Variants in ZSCAN1 observed in about 807,000 individuals in gnomAD.
ZSCAN1 encodes the protein zinc finger and SCAN domain containing 1, also known as zinc finger and SCAN domain-containing protein 1.
In ZSCAN1, 23 loss-of-function variants were observed where a neutral mutation model predicts 23.8. The observed-to-expected ratio is 0.97, with a 90% CI of 0.70 to 1.37. The LOEUF (loss-of-function observed/expected upper bound fraction) is 1.37. ZSCAN1 is among the 40% of genes most tolerant of loss of function. The probability of loss-of-function intolerance (pLI) is 0.00; values close to 1 mark genes in which losing one functional copy is unlikely to be tolerated. For synonymous variants in ZSCAN1, 236 were observed against 232.3 expected (o/e 1.02, Z -0.15); for missense variants, 575 against 554.0 (o/e 1.04, Z -0.38).
At position 58,053,991 on chromosome 19, in the gene ZSCAN1, C is replaced by T. The variant is rs1472338007; in HGVS notation, c.1167C>T (p.Phe389=). The change falls in exon 6 of 6, where the codon TTC becomes TTT. Residue 389 remains phenylalanine, a synonymous_variant. Coordinates refer to ENST00000282326, the MANE Select transcript of ZSCAN1 (RefSeq NM_182572.4). The surrounding 1 kb of genome is among the most constrained non-coding windows in gnomAD (Gnocchi z 5.8). Reference sequence around the variant, plus strand: ...AGTGTAGCGTCTGCGGGAAGGCCTTCCCCTGGATGGTCCACCTCATTGACC... The same window carrying T: ...AGTGTAGCGTCTGCGGGAAGGCCTTTCCCTGGATGGTCCACCTCATTGACC... ...PFQCSVCGKA[F]PWMVHLIDHQ... is the part of the protein sequence containing the mutation. 1.9e-6 allele frequency: 3 copies of T among 1,580,258 alleles called. No individual in the cohort carries two copies. Among genetic ancestry groups the T allele is most frequent in the Non-Finnish European group, 1.7e-6 (2 of 1,162,632 alleles).
chr19:58,040,508 T>C lies in ZSCAN1; in HGVS notation c.429T>C (p.Asp143=). 6.2e-7 allele frequency: 1 copy of C among 1,613,466 alleles called. No homozygotes were observed. The highest frequency in any genetic ancestry group is 8.5e-7 in the Non-Finnish European group (1 of 1,179,954). ...ACTGGAGTTTCGGTGAGGAGGAAGA[T>C]GGGAAGAGTCCAAGGTCCCAGAAAG... is the stretch of plus-strand genomic sequence containing the variant. ...PQDWSFGEEE[D]GKSPRSQKEP... is the part of the protein sequence containing the mutation. The change falls in exon 4 of 6, where the codon GAT becomes GAC. Residue 143 remains aspartate (D), a synonymous_variant. Coordinates refer to ENST00000282326, the MANE Select transcript of ZSCAN1 (RefSeq NM_182572.4). This position sits in a 1 kb window ranked among gnomAD's most constrained non-coding sequence, Gnocchi z 5.8.
In ZSCAN1 at chr19:58,054,144, A is replaced by C. The variant is rs1273023560; in HGVS notation, c.*93A>C. The C allele has an allele frequency of 1.4e-6, 2 of 1,402,720 alleles. No individual in the cohort carries two copies. Among genetic ancestry groups the C allele is most frequent in the African/African-American group, 2.9e-5 (2 of 68,916 alleles). The allele number at this position is 1,402,720 out of a possible 1,614,324, so 86.9% of individuals were successfully genotyped here. A position where few individuals can be genotyped will look rare whatever the true frequency, so the allele number is the denominator to read the frequency against. ...TGGGGGACATCCCCCAGCCCCACCA[A>C]CCCCTGGCCACCTTGGGACTCCTCT... is the stretch of plus-strand genomic sequence containing the variant. On this transcript the variant is annotated 3_prime_UTR_variant, in exon 6 of 6. Transcript: ENST00000282326. This position sits in a 1 kb window ranked among gnomAD's most constrained non-coding sequence, Gnocchi z 4.2.
At chr19:58,046,740 G>C (rs1599906030) in intron 4 of ZSCAN1, 1 of 784,220 alleles carries the variant, frequency 1.3e-6, no homozygotes, top group East Asian at 2.5e-5. Flanking sequence ...GGAGAAGGTG[G>C]AGAAGGAGGT....
chr19:58,034,425 G>A (rs2073718085), intron 1 of ZSCAN1, among the ~76,000 whole-genome samples: 1 of 151,854 alleles, frequency 6.6e-6, no homozygotes, highest in Admixed American at 6.5e-5. Context: ...GGCTGGGGCC[G>A]CCCCTTCCGC....
intron 4 of ZSCAN1, among the ~76,000 whole-genome samples, chr19:58,043,291 A>T (rs1175055684): frequency 6.6e-6 from 1 of 152,206 alleles, no homozygotes; most frequent in African/African-American, 2.4e-5. Context: ...CGCAGAGGGC[A>T]CTCACACACC....
At chr19:58,046,749 G>A in intron 4 of ZSCAN1, 5 of 774,122 alleles carry the variant, frequency 6.5e-6, no homozygotes, top group African/African-American at 1.7e-5. Context: ...GGAGAAGGAG[G>A]TTGCAGAGGT....
At chr19:58,036,870 G>C (rs2123417352) in intron 2 of ZSCAN1, among the ~76,000 whole-genome samples, 1 of 152,222 alleles carries the variant, frequency 6.6e-6, no homozygotes, top group African/African-American at 2.4e-5. Flanking sequence ...ATTTTTAGTA[G>C]ACGGGGTTTC....
At chr19:58,039,962 G>A (rs991030750) in intron 3 of ZSCAN1, among the ~76,000 whole-genome samples, 1 of 152,094 alleles carries the variant, frequency 6.6e-6, no homozygotes, top group Middle Eastern at 3.4e-3. Flanking sequence ...TCAAACTCTT[G>A]GGCTCAAGCA....
chr19:58,048,647 G>A (rs1215434973), intron 4 of ZSCAN1, among the ~76,000 whole-genome samples: 2 of 152,280 alleles, frequency 1.3e-5, no homozygotes, highest in African/African-American at 4.8e-5. Context: ...TAGTAGAGAT[G>A]GGGTTTCATT....
intron 3 of ZSCAN1, chr19:58,038,497 GGAAGGACGCTGCCTCGCCACTTCCTC>G (rs2073758876): frequency 3.5e-6 from 2 of 568,446 alleles, no homozygotes; most frequent in Non-Finnish European, 6.2e-6. Flanking sequence ...CTGCTCTCTG[GGAAGGACGCTGCCTCGCCACTTCCTC>G]CCAGCCACCT....
intron 4 of ZSCAN1, among the ~76,000 whole-genome samples, chr19:58,050,619 C>T (rs1034858454): frequency 1.3e-5 from 2 of 151,750 alleles, no homozygotes; most frequent in Admixed American, 6.6e-5. Context: ...CTCCTGGGTT[C>T]AAACGATTCT....
At chr19:58,054,805 C>T (rs1393540241), downstream of ZSCAN1, among the ~76,000 whole-genome samples, 5 of 152,186 alleles carry the variant, frequency 3.3e-5, no homozygotes, top group Non-Finnish European at 5.9e-5. The surrounding 1 kb of genome is among the most constrained non-coding windows in gnomAD (Gnocchi z 4.2). Context: ...GTCTTTAGGC[C>T]TGACCAAAAC....
intron 4 of ZSCAN1, chr19:58,044,653 G>A: frequency 1.1e-6 from 1 of 945,272 alleles, no homozygotes; most frequent in Non-Finnish European, 1.7e-6. Flanking sequence ...CGCCGCCTCG[G>A]GTCACCGCCC....
chr19:58,052,461 G>A (rs1468449203), intron 4 of ZSCAN1, 29 bp from the exon 5 acceptor site: 1 of 1,613,552 alleles, frequency 6.2e-7, no homozygotes, highest in Non-Finnish European at 8.5e-7. Context: ...AGGGGCAGCT[G>A]CCGAACAGTC....
intron 1 of ZSCAN1, among the ~76,000 whole-genome samples, chr19:58,034,880 T>G (rs979189206): frequency 6.7e-6 from 1 of 150,178 alleles, no homozygotes; most frequent in African/African-American, 2.5e-5. Flanking sequence ...CATCCTAAGC[T>G]CCCAACGCCC....
In ZSCAN1 at chr19:58,037,998, C is replaced by G. The variant is rs159870; in HGVS notation, c.162C>G (p.Leu54=). The G allele has an allele frequency of 0.7, 1,131,173 of 1,608,006 alleles. 400,130 individuals carry two copies. The highest frequency in any genetic ancestry group is 0.72 in the Middle Eastern group (4,346 of 6,044). The change falls in exon 3 of 6, where the codon CTC becomes CTG. Residue 54 remains leucine (L), a synonymous_variant. Coordinates refer to ENST00000282326, the MANE Select transcript of ZSCAN1 (RefSeq NM_182572.4). Reference sequence around the variant, plus strand: ...ACCACGTGGCGAGCGGGCCGCACCTCGCGCTGGGCCAGCTCTGGACGCTGT... The same window carrying G: ...ACCACGTGGCGAGCGGGCCGCACCTGGCGCTGGGCCAGCTCTGGACGCTGT... ...FQYHVASGPH[L]ALGQLWTLCR...
At chr19:58,042,292 C>CT (rs1311049832) in intron 4 of ZSCAN1, among the ~76,000 whole-genome samples, 13 of 150,286 alleles carry the variant, frequency 8.7e-5, no homozygotes, top group African/African-American at 3.2e-4. Flanking sequence ...GAGTCTTGCT[C>CT]TGTAGCCCAG....
At chr19:58,050,032 G>T (rs2073849258) in intron 4 of ZSCAN1, among the ~76,000 whole-genome samples, 2 of 151,638 alleles carry the variant, frequency 1.3e-5, no homozygotes, top group Non-Finnish European at 2.9e-5. Context: ...GTGGGAGGGG[G>T]AAATGAAGGT....
chr19:58,046,531 A>G, intron 4 of ZSCAN1: 1 of 917,046 alleles, frequency 1.1e-6, no homozygotes, highest in Admixed American at 1.7e-5. Flanking sequence ...CATCAACGCC[A>G]TGAAGCAAGT....
Sources: allele counts gnomAD v4.1 joint callset (sites outside exome capture counted in the v4.1 genomes callset), GRCh38; gene constraint gnomAD v4.1.1; non-coding constraint Gnocchi (gnomAD v3.1); transcripts MANE v1.5; gene names NCBI Gene and HGNC (gene_info 2026-07-23, HGNC 2026-07-21).